SVEP1: variants seen among roughly 807,000 people sequenced by gnomAD.
SVEP1 encodes sushi, von Willebrand factor type A, EGF and pentraxin domain-containing protein 1.
A neutral mutation model predicts 367.3 loss-of-function variants in SVEP1; 164 were observed. The ratio of observed to expected loss-of-function variants is 0.45; its 90% CI spans 0.39 to 0.51. The LOEUF is 0.51. Ranked by LOEUF, SVEP1 falls within the 20% of genes least tolerant of loss-of-function variation. The pLI, the probability that SVEP1 is intolerant of heterozygous loss-of-function variation, is 0.00. For missense variants in SVEP1, 4,117 were observed against 4,425.3 expected, an observed-to-expected ratio of 0.93 and a Z score of 1.98; for synonymous variants, 1,666 against 1,611.6, an observed-to-expected ratio of 1.03 and a Z score of -0.81.
At chr9:110,447,851 TG>T (rs1263386652) in intron 24 of SVEP1, among the ~76,000 whole-genome samples, 2 of 152,164 alleles carry the variant, frequency 1.3e-5, no homozygotes, top group African/African-American at 4.8e-5. Flanking sequence ...AAATGAATCA[TG>T]GTGTAGTTAA....
At position 110,411,437 on chromosome 9, in the gene SVEP1, T is replaced by C. The variant is rs56291458; in HGVS notation, c.6274A>G (p.Ser2092Gly). 11,695 of 1,614,006 alleles carry C rather than the reference T, an allele frequency of 7.2e-3. 700 individuals carry two copies. In the African/African-American group the frequency reaches 0.13, roughly 19 times the overall value. Reference protein sequence around the residue: ...FCEKPPSVSYSILESVSKAKF... With the variant: ...FCEKPPSVSYGILESVSKAKF... Reference sequence around the variant, plus strand: ...GCTTTGCTCACAGATTCCAAGATGCTATAGGAAACCGATGGAGGTTTTTCA... The same window carrying C: ...GCTTTGCTCACAGATTCCAAGATGCCATAGGAAACCGATGGAGGTTTTTCA... Residue 2092 changes from serine to glycine, a missense_variant, in exon 37 of 48, where the codon AGC (serine) becomes GGC (glycine). Ser to Gly is a moderately conservative substitution (Grantham distance 56, BLOSUM62 0). Coordinates refer to ENST00000374469, the MANE Select transcript of SVEP1 (RefSeq NM_153366.4).
intron 26 of SVEP1, among the ~76,000 whole-genome samples, chr9:110,443,999 T>C (rs966842056): frequency 3.9e-5 from 6 of 152,154 alleles, no homozygotes; most frequent in African/African-American, 1.4e-4. Context: ...GTTGCTCCAA[T>C]TTGAGAGAAT....
intron 22 of SVEP1, among the ~76,000 whole-genome samples, chr9:110,451,803 G>A (rs192519695): frequency 1.3e-5 from 2 of 152,158 alleles, no homozygotes; most frequent in Admixed American, 1.3e-4. Flanking sequence ...GAAATATATT[G>A]AATGAAGAAA....
At chr9:110,446,816 T>G in intron 25 of SVEP1, 84 bp downstream of exon 25, 3 of 1,283,796 alleles carry the variant, frequency 2.3e-6, no homozygotes, top group Non-Finnish European at 3.0e-6. Flanking sequence ...CTACGGACAC[T>G]GCTTGGTGCA....
At chr9:110,522,820 T>C (rs1157818473) in intron 3 of SVEP1, among the ~76,000 whole-genome samples, 2 of 152,216 alleles carry the variant, frequency 1.3e-5, no homozygotes, top group Non-Finnish European at 2.9e-5. Context: ...GAAATTAGTC[T>C]GTAGTCGTTT....
At chr9:110,506,651 A>C (rs1588085016) in intron 5 of SVEP1, among the ~76,000 whole-genome samples, 1 of 152,148 alleles carries the variant, frequency 6.6e-6, no homozygotes, top group East Asian at 1.9e-4. Flanking sequence ...TCTCCTCTTT[A>C]GAGAAAACCC....
intron 36 of SVEP1, among the ~76,000 whole-genome samples, chr9:110,423,782 TAA>T (rs1828211928): frequency 6.6e-6 from 1 of 150,882 alleles, no homozygotes; most frequent in South Asian, 2.1e-4. Context: ...CCTGAAAATA[TAA>T]GTCAATATGA....
intron 26 of SVEP1, among the ~76,000 whole-genome samples, chr9:110,445,494 A>C (rs911682625): frequency 2.6e-5 from 4 of 152,110 alleles, no homozygotes; most frequent in Admixed American, 6.5e-5. Flanking sequence ...TAGCCCTGCT[A>C]CTCCCAAGGT....
At chr9:110,558,333 CAAAAAAA>C (rs60516091) in intron 1 of SVEP1, among the ~76,000 whole-genome samples, 5 of 88,346 alleles carry the variant, frequency 5.7e-5, no homozygotes, top group African/African-American at 1.9e-4. Flanking sequence ...CCTGTCTCTA[CAAAAAAA>C]AAAAAAAAAA....
At chr9:110,440,242 C>A (rs965907916) in intron 27 of SVEP1, among the ~76,000 whole-genome samples, 5 of 152,168 alleles carry the variant, frequency 3.3e-5, no homozygotes, top group African/African-American at 1.2e-4. Context: ...TTCTTTATCA[C>A]GTCTTCCTTT....
chr9:110,509,329 TA>T (rs1829674135), intron 5 of SVEP1, among the ~76,000 whole-genome samples: 1 of 152,358 alleles, frequency 6.6e-6, no homozygotes, highest in Admixed American at 6.5e-5. Context: ...CTGATGTAAC[TA>T]AATACACTGA....
At chr9:110,501,120 AAAAT>A (rs1829522738) in intron 6 of SVEP1, among the ~76,000 whole-genome samples, 1 of 148,026 alleles carries the variant, frequency 6.8e-6, no homozygotes, top group African/African-American at 2.4e-5. Context: ...TATAAATTAT[AAAAT>A]AATACATATA....
chr9:110,450,463 ATC>A (rs1054925349), intron 23 of SVEP1, among the ~76,000 whole-genome samples: 1 of 119,222 alleles, frequency 8.4e-6, no homozygotes, highest in African/African-American at 3.3e-5. Flanking sequence ...GTTTTTGATA[ATC>A]TGTTTTTTTT....
chr9:110,454,650 C>T (rs1010517633), intron 22 of SVEP1, among the ~76,000 whole-genome samples: 3 of 152,130 alleles, frequency 2.0e-5, no homozygotes, highest in African/African-American at 7.2e-5. Flanking sequence ...AAAATCATGT[C>T]GTTTGCAGCA....
At chr9:110,513,254 T>A in intron 4 of SVEP1, 149 bp from the exon 5 acceptor site, 1 of 754,864 alleles carries the variant, frequency 1.3e-6, no homozygotes, top group Non-Finnish European at 2.1e-6. Context: ...TTCAAGTACA[T>A]ATTTGGAAGA....
intron 18 of SVEP1, among the ~76,000 whole-genome samples, 198 bp downstream of exon 18, chr9:110,465,667 T>C (rs921198120): frequency 1.3e-5 from 2 of 152,206 alleles, no homozygotes; most frequent in Admixed American, 6.5e-5. Flanking sequence ...GCCCGGTGTT[T>C]ACACGGCAGG....
chr9:110,505,738 C>A (rs940777384), intron 5 of SVEP1, among the ~76,000 whole-genome samples: 1 of 152,052 alleles, frequency 6.6e-6, no homozygotes, highest in Non-Finnish European at 1.5e-5. Context: ...TATACCCACA[C>A]CTTAGTGACT....
chr9:110,381,496 T>C (rs909023955), intron 43 of SVEP1, among the ~76,000 whole-genome samples: 1 of 152,174 alleles, frequency 6.6e-6, no homozygotes, highest in African/African-American at 2.4e-5. Flanking sequence ...CACGTAGTTG[T>C]GTGGTTTTGA....
intron 5 of SVEP1, among the ~76,000 whole-genome samples, chr9:110,511,774 C>T (rs542458946): frequency 1.3e-5 from 2 of 152,062 alleles, no homozygotes; most frequent in African/African-American, 2.4e-5. Flanking sequence ...ATAGATGTCT[C>T]CTGGGATTCA....
Sources: gnomAD v4.1 joint callset for allele counts (sites outside exome capture counted in the v4.1 genomes callset) on GRCh38, gnomAD v4.1.1 for gene constraint, MANE v1.5 for transcripts, NCBI Gene and HGNC (gene_info 2026-07-23, HGNC 2026-07-21) for gene names.